SGCD: variants seen among roughly 807,000 people sequenced by gnomAD.
The protein encoded by SGCD is delta-sarcoglycan.
SGCD carries 18 observed loss-of-function variants against 36.6 expected under a neutral mutation model. The ratio of observed to expected loss-of-function variants is 0.49; its 90% CI spans 0.34 to 0.73. The LOEUF is 0.73. Among genes scored for constraint, SGCD ranks in the 30% least tolerant of loss-of-function variants. The probability of loss-of-function intolerance (pLI) is 0.01; values close to 1 mark genes in which losing one functional copy is unlikely to be tolerated. For missense variants in SGCD, 387 were observed against 346.7 expected (o/e 1.12, Z -0.92); for synonymous variants, 133 against 130.6 (o/e 1.02, Z -0.12).
chr5:156,348,647 G>A (rs996669647), intron 3 of SGCD, among the ~76,000 whole-genome samples: 4 of 152,138 alleles, frequency 2.6e-5, no homozygotes, highest in Non-Finnish European at 5.9e-5. Flanking sequence ...TGAATTGAAT[G>A]ACTCATTATC....
chr5:156,557,522 A>C (rs1046283949), intron 4 of SGCD, among the ~76,000 whole-genome samples: 1 of 152,176 alleles, frequency 6.6e-6, no homozygotes, highest in Non-Finnish European at 1.5e-5. Context: ...ATATAAGTAA[A>C]GTTTTATTGT....
At chr5:156,453,634 G>A (rs1754123657) in intron 3 of SGCD, among the ~76,000 whole-genome samples, 1 of 152,172 alleles carries the variant, frequency 6.6e-6, no homozygotes, top group Non-Finnish European at 1.5e-5. Context: ...TACTCTCAAA[G>A]TAGTTAGAGA....
chr5:155,803,357 C>T, the SGCD span, among the ~76,000 whole-genome samples: 125 of 152,254 alleles, frequency 8.2e-4, no homozygotes, highest in Non-Finnish European at 1.2e-3. Context: ...GCAGGGCTAC[C>T]CTGGCAGCAG....
intron 3 of SGCD, among the ~76,000 whole-genome samples, chr5:156,172,282 TCAAAAA>T (rs980758426): frequency 2.0e-5 from 3 of 152,012 alleles, no homozygotes; most frequent in Non-Finnish European, 2.9e-5. Context: ...AAACTCCATC[TCAAAAA>T]CAAAAACAAA....
chr5:156,083,381 G>A (rs921695348), intron 1 of SGCD, among the ~76,000 whole-genome samples: 6 of 149,830 alleles, frequency 4.0e-5, no homozygotes, highest in African/African-American at 7.4e-5. Flanking sequence ...TGCAGCCTCC[G>A]CCTCCCAGGT....
At chr5:156,516,773 G>C (rs1757194277) in intron 4 of SGCD, among the ~76,000 whole-genome samples, 1 of 152,176 alleles carries the variant, frequency 6.6e-6, no homozygotes, top group Non-Finnish European at 1.5e-5. Flanking sequence ...GAGGCACATG[G>C]ATCACCTGAG....
intron 4 of SGCD, among the ~76,000 whole-genome samples, chr5:156,546,006 A>G (rs754943159): frequency 1.4e-4 from 22 of 152,198 alleles, no homozygotes; most frequent in East Asian, 5.8e-4. Context: ...CAGGATTTCT[A>G]AAACTATCAA....
In SGCD at chr5:156,432,771, T is replaced by G. The variant is rs560450116; in HGVS notation, c.193-75830T>G. ...GTAGCAGGCTGTGATAGGTCCCACC[T>G]AGCTCCCATGCAGTTGGTGAAGCTG... On this transcript the variant is annotated intron_variant, in intron 3 of 8. Coordinates refer to ENST00000337851, the MANE Select transcript of SGCD (RefSeq NM_000337.6). 2.6e-5 allele frequency among the ~76,000 whole-genome samples: 4 copies of G among 152,298 alleles called. No individual in the cohort carries two copies. In the South Asian group the frequency reaches 6.2e-4, roughly 24 times the overall value.
intron 1 of SGCD, among the ~76,000 whole-genome samples, chr5:155,931,720 T>C (rs1437696970): frequency 2.0e-5 from 3 of 152,216 alleles, no homozygotes; most frequent in Non-Finnish European, 4.4e-5. Context: ...TAGCATTTCA[T>C]TTGAAAATTA....
intron 3 of SGCD, among the ~76,000 whole-genome samples, chr5:156,185,926 T>A (rs1005989479): frequency 7.7e-5 from 11 of 143,352 alleles, no homozygotes; most frequent in Non-Finnish European, 1.5e-4. Flanking sequence ...GTGTTCATAA[T>A]TGCTCTGTTT....
chr5:156,523,260 A>C (rs1032582141), intron 4 of SGCD, among the ~76,000 whole-genome samples: 2 of 152,148 alleles, frequency 1.3e-5, no homozygotes, highest in African/African-American at 4.8e-5. Flanking sequence ...TGATATGTTT[A>C]GTGTGACAAG....
chr5:156,752,674 G>A (rs561946372), intron 7 of SGCD, among the ~76,000 whole-genome samples: 5 of 152,286 alleles, frequency 3.3e-5, no homozygotes, highest in East Asian at 1.9e-4. Flanking sequence ...GATTCCAGGC[G>A]TGAGCTACCG....
upstream of SGCD, among the ~76,000 whole-genome samples, chr5:155,865,620 A>G (rs1026468873): frequency 2.0e-5 from 3 of 152,214 alleles, no homozygotes; most frequent in African/African-American, 4.8e-5. Flanking sequence ...CATGTTGCCT[A>G]TGCTTAAGGT....
At position 155,999,001 on chromosome 5, in the gene SGCD, T is replaced by C. The variant is rs150869136; in HGVS notation, c.-281-118877T>C. ...GGGAAACCCAAATCAATCCTACACA[T>C]AGAAATGTGATTTCTCTGCTTTTAT... On this transcript the variant is annotated intron_variant, in intron 1 of 9. Transcript: ENST00000517913. Among the ~76,000 whole-genome samples the C allele has an allele frequency of 3.8e-3, 578 of 152,322 alleles. 1 individual carries two copies. The highest frequency in any genetic ancestry group is 0.013 in the African/African-American group (544 of 41,572).
chr5:156,609,949 A>T (rs1485795267), intron 6 of SGCD, among the ~76,000 whole-genome samples: 1 of 151,798 alleles, frequency 6.6e-6, no homozygotes, highest in Admixed American at 6.6e-5. Flanking sequence ...CATTTGTCTA[A>T]TTTTTTTTCG....
At chr5:156,527,282 GA>G (rs200084240) in intron 4 of SGCD, among the ~76,000 whole-genome samples, 12 of 151,774 alleles carry the variant, frequency 7.9e-5, no homozygotes, top group Non-Finnish European at 1.6e-4. Context: ...GTTAAGATCA[GA>G]AAAAAAACAT....
chr5:156,050,513 G>T (rs1008789584), intron 1 of SGCD, among the ~76,000 whole-genome samples: 4 of 146,394 alleles, frequency 2.7e-5, no homozygotes, highest in Admixed American at 2.0e-4. Flanking sequence ...CTTTATTCAG[G>T]TAGCCTGTAA....
intron 1 of SGCD, among the ~76,000 whole-genome samples, chr5:156,027,209 C>A (rs1759241619): frequency 6.6e-6 from 1 of 152,166 alleles, no homozygotes; most frequent in Non-Finnish European, 1.5e-5. Flanking sequence ...AATCCTTATT[C>A]ATTCCTAGTT....
At chr5:156,260,900 T>C (rs1765843085) in intron 3 of SGCD, among the ~76,000 whole-genome samples, 2 of 152,168 alleles carry the variant, frequency 1.3e-5, no homozygotes, top group African/African-American at 4.8e-5. Context: ...TTAAATATTA[T>C]GCCTTTCAAA....
Sources: gnomAD v4.1 joint callset for allele counts (sites outside exome capture counted in the v4.1 genomes callset) on GRCh38, gnomAD v4.1.1 for gene constraint, MANE v1.5 for transcripts, NCBI Gene and HGNC (gene_info 2026-07-23, HGNC 2026-07-21) for gene names.